Variants in KLF7 observed in about 807,000 individuals in gnomAD.
The protein encoded by KLF7 is Krueppel-like factor 7.
KLF7 carries 2 observed loss-of-function variants against 27.3 expected under a neutral mutation model. That is an observed-to-expected ratio of 0.07 (90% CI 0.03 to 0.23). KLF7 has a LOEUF of 0.23. Among genes scored for constraint, KLF7 ranks in the 10% least tolerant of loss-of-function variants. KLF7 has a pLI of 1.00. For synonymous variants in KLF7, 165 were observed against 162.4 expected (o/e 1.02, Z -0.12); for missense variants, 221 against 394.1 (o/e 0.56, Z 3.72).
At chr2:207,143,749 C>A (rs1242771415) in intron 1 of KLF7, among the ~76,000 whole-genome samples, 1 of 152,094 alleles carries the variant, frequency 6.6e-6, no homozygotes, top group African/African-American at 2.4e-5. Flanking sequence ...GGCTCCAGGG[C>A]AAGGCTCACT....
In KLF7 at chr2:207,077,684, A is replaced by C. The variant is rs1335427074; in HGVS notation, c.*3529T>G. 2 of 152,150 alleles carry C rather than the reference A, an allele frequency of 1.3e-5. No individual in the cohort carries two copies. Among genetic ancestry groups the C allele is most frequent in the Admixed American group, 1.3e-4 (2 of 15,272 alleles). The allele number at this position is 152,150 out of a possible 1,614,324, so 9.4% of individuals were successfully genotyped here. ...CAGGCATTGAGCTGAGCCATTAACC[A>C]TGGGTGGGGCAGGAGGCCAGTAGCT... On this transcript the variant is annotated 3_prime_UTR_variant, in exon 4 of 4. Coordinates refer to ENST00000309446, the MANE Select transcript of KLF7 (RefSeq NM_003709.4).
At chr2:207,099,334 G>A (rs2076702118) in intron 2 of KLF7, among the ~76,000 whole-genome samples, 1 of 151,846 alleles carries the variant, frequency 6.6e-6, no homozygotes, top group Non-Finnish European at 1.5e-5. Context: ...GCAGAGACAT[G>A]GAGGGCCAGG....
chr2:207,128,305 TATAA>T (rs977554729), intron 1 of KLF7, among the ~76,000 whole-genome samples: 3 of 152,142 alleles, frequency 2.0e-5, no homozygotes, highest in African/African-American at 7.2e-5. Context: ...TCCATACTGA[TATAA>T]ATAAATGACT....
At chr2:207,109,970 T>G (rs1368446833) in intron 2 of KLF7, 1 of 154,836 alleles carries the variant, frequency 6.5e-6, no homozygotes, top group African/African-American at 2.4e-5. Flanking sequence ...CACATTCACA[T>G]GTATGAGAGG....
At chr2:207,134,562 G>A (rs563870310) in intron 1 of KLF7, among the ~76,000 whole-genome samples, 1 of 152,218 alleles carries the variant, frequency 6.6e-6, no homozygotes, top group Admixed American at 6.5e-5. Flanking sequence ...ATGAAGTCAA[G>A]CCCTAAGCTG....
Position 207,081,223 on chromosome 2 carries a change from C to G in KLF7, c.899G>C (p.Arg300Thr). The G allele has an allele frequency of 6.2e-7, 1 of 1,614,098 alleles. No individual in the cohort carries two copies. The highest frequency in any genetic ancestry group is 8.5e-7 in the Non-Finnish European group (1 of 1,179,964). ...RSDHLALHMKRHI is the reference protein window; with the variant it reads ...RSDHLALHMKTHI ...TGGCCTTTCGGTTTTTTAGATATGT[C>G]TCTTCATGTGGAGGGCAAGATGGTC... The change falls in exon 4 of 4, where the codon AGA (arginine) becomes ACA (threonine). Residue 300 changes from arginine to threonine, a missense_variant. Arg to Thr is a moderately conservative substitution (Grantham distance 71). Coordinates refer to ENST00000309446, the MANE Select transcript of KLF7 (RefSeq NM_003709.4).
chr2:207,088,075 A>T (rs192322501), intron 3 of KLF7, among the ~76,000 whole-genome samples: 8 of 152,304 alleles, frequency 5.3e-5, no homozygotes, highest in African/African-American at 1.9e-4. Flanking sequence ...TCTTATTACT[A>T]TAGATGAGGG....
At chr2:207,130,163 T>C (rs944875110) in intron 1 of KLF7, among the ~76,000 whole-genome samples, 2 of 152,234 alleles carry the variant, frequency 1.3e-5, no homozygotes, top group African/African-American at 4.8e-5. Context: ...ATTTTTCTTG[T>C]CCTTACTTTC....
chr2:207,088,432 GC>G, intron 3 of KLF7, 25 bp downstream of exon 3: 1 of 1,610,932 alleles, frequency 6.2e-7, no homozygotes, highest in Non-Finnish European at 8.5e-7. Context: ...CTCCTCCCTA[GC>G]CCATCAACTT....
At chr2:207,088,401 C>CT in intron 3 of KLF7, 57 bp downstream of exon 3, 1 of 1,582,218 alleles carries the variant, frequency 6.3e-7, no homozygotes, top group Non-Finnish European at 8.6e-7. Flanking sequence ...GCTGCTCACC[C>CT]TCCAACCCAC....
chr2:207,166,708 C>T (rs2078722981), upstream of KLF7: 5 of 766,010 alleles, frequency 6.5e-6, no homozygotes, highest in South Asian at 2.4e-4. Flanking sequence ...TCCGCCTGGG[C>T]ACGGGGCAGG....
chr2:207,122,276 CATT>C (rs2077360776), intron 2 of KLF7, among the ~76,000 whole-genome samples: 1 of 152,068 alleles, frequency 6.6e-6, no homozygotes, highest in African/African-American at 2.4e-5. Flanking sequence ...GGGATATAAA[CATT>C]ATGTTAGGAG....
At position 207,076,996 on chromosome 2, in the gene KLF7, T is replaced by G. The variant is rs1449205137; in HGVS notation, c.*4217A>C. 1 of 152,256 alleles carries G rather than the reference T, an allele frequency of 6.6e-6. No homozygotes were observed. The highest frequency in any genetic ancestry group is 1.5e-5 in the Non-Finnish European group (1 of 68,050). 9.4% of individuals were successfully genotyped at this position (152,256 alleles called of 1,614,324 possible). A position where few individuals can be genotyped will look rare whatever the true frequency, so the allele number is the denominator to read the frequency against. On this transcript the variant is annotated 3_prime_UTR_variant, in exon 4 of 4. Transcript: ENST00000309446. ...ATTCTAATAAACTAAAAAATGAACC[T>G]GATTTTTGTAGTTAAATGTGTTGCA...
intron 1 of KLF7, among the ~76,000 whole-genome samples, chr2:207,142,604 G>A (rs997971017): frequency 6.6e-6 from 1 of 152,232 alleles, no homozygotes; most frequent in African/African-American, 2.4e-5. Context: ...TCCCTGCAGA[G>A]GTCAGTGAAG....
chr2:207,149,057 T>C, intron 1 of KLF7: 3 of 1,198,492 alleles, frequency 2.5e-6, no homozygotes, highest in Non-Finnish European at 3.2e-6. Context: ...CAACTCTGTG[T>C]TCCACCTAAA....
chr2:207,109,593 C>T (rs2076973490), intron 2 of KLF7, among the ~76,000 whole-genome samples: 1 of 152,122 alleles, frequency 6.6e-6, no homozygotes, highest in South Asian at 2.1e-4. Flanking sequence ...CTGTAAAGAT[C>T]AATACAAGTG....
At chr2:207,104,068 C>T (rs540704822) in intron 2 of KLF7, among the ~76,000 whole-genome samples, 20 of 152,126 alleles carry the variant, frequency 1.3e-4, no homozygotes, top group Non-Finnish European at 2.1e-4. Context: ...AGACGTCAAG[C>T]CCCAACTCCT....
Position 207,079,376 on chromosome 2 carries a change from A to AATT in KLF7, c.*1836_*1837insAAT, listed in dbSNP as rs926054360. On this transcript the variant is annotated 3_prime_UTR_variant, in exon 4 of 4. Transcript: ENST00000309446. ...TGGGGTGGCATTTTAACAGTCAATG[A>AATT]GTCAAACAGTCAAAGGAGGACAGGA... The AATT allele has an allele frequency of 4.1e-4, 62 of 152,354 alleles. 1 individual carries two copies. Among genetic ancestry groups the AATT allele is most frequent in the African/African-American group, 1.4e-3 (59 of 41,570 alleles). 9.4% of individuals were successfully genotyped at this position (152,354 alleles called of 1,614,324 possible).
the KLF7 span, among the ~76,000 whole-genome samples, chr2:207,173,032 G>A: frequency 1.3e-5 from 2 of 151,862 alleles, no homozygotes; most frequent in Non-Finnish European, 2.9e-5. Flanking sequence ...TACAGTGGAG[G>A]AAAGTGTGAA....
Sources: gnomAD v4.1 joint callset for allele counts (sites outside exome capture counted in the v4.1 genomes callset) on GRCh38, gnomAD v4.1.1 for gene constraint, MANE v1.5 for transcripts, NCBI Gene and HGNC (gene_info 2026-07-23, HGNC 2026-07-21) for gene names.